Variants in COMMD7 observed in about 807,000 individuals in gnomAD.
COMMD7 encodes the protein COMM domain containing 7, also known as COMM domain-containing protein 7.
A neutral mutation model predicts 34.8 loss-of-function variants in COMMD7; 28 were observed. That is an observed-to-expected ratio of 0.80 (90% CI 0.60 to 1.10). The LOEUF (loss-of-function observed/expected upper bound fraction) is 1.10. COMMD7 is among the 50% of genes least tolerant of loss of function. The pLI, the probability that COMMD7 is intolerant of heterozygous loss-of-function variation, is 0.00. For missense variants in COMMD7, 211 were observed against 241.6 expected, an observed-to-expected ratio of 0.87 and a Z score of 0.84; for synonymous variants, 80 against 86.4, an observed-to-expected ratio of 0.93 and a Z score of 0.41.
intron 1 of COMMD7, among the ~76,000 whole-genome samples, chr20:32,739,012 T>C (rs937382313): frequency 1.7e-4 from 26 of 152,222 alleles, no homozygotes; most frequent in African/African-American, 6.3e-4. Flanking sequence ...CTTTCTTAAC[T>C]GTAAAATGGG....
chr20:32,743,237 T>G (rs1568801290), intron 1 of COMMD7, 71 bp downstream of exon 1: 181 of 526,744 alleles, frequency 3.4e-4, no homozygotes, highest in East Asian at 1.0e-3. Context: ...CCCCCGGACG[T>G]CCCCCCCACC....
At chr20:32,711,370 C>G (rs1057455638) in intron 3 of COMMD7, among the ~76,000 whole-genome samples, 3 of 148,550 alleles carry the variant, frequency 2.0e-5, no homozygotes, top group Non-Finnish European at 4.4e-5. Context: ...GCACTCCAGC[C>G]TGGACGACGG....
intron 3 of COMMD7, among the ~76,000 whole-genome samples, chr20:32,713,195 T>C (rs1568777238): frequency 6.6e-6 from 1 of 151,942 alleles, no homozygotes; most frequent in Non-Finnish European, 1.5e-5. Context: ...ATTACAGGCA[T>C]GTGCCACCAT....
intron 3 of COMMD7, among the ~76,000 whole-genome samples, chr20:32,723,048 T>TAAATAAATAATAAA (rs1258684125): frequency 1.7e-5 from 1 of 57,192 alleles, no homozygotes; most frequent in African/African-American, 5.7e-5. Flanking sequence ...AATAAATAAA[T>TAAATAAATAATAAA]AATAATAATA....
chr20:32,728,188 G>C, intron 1 of COMMD7, 46 bp from the exon 2 acceptor site: 1 of 1,592,914 alleles, frequency 6.3e-7, no homozygotes, highest in Non-Finnish European at 8.6e-7. Flanking sequence ...TCTACTACTG[G>C]GTCAGCATGC....
At chr20:32,731,310 C>A (rs1030818767) in intron 1 of COMMD7, among the ~76,000 whole-genome samples, 5 of 151,852 alleles carry the variant, frequency 3.3e-5, no homozygotes, top group African/African-American at 9.7e-5. Flanking sequence ...AGAACAAGAT[C>A]CTAGCTCAAA....
chr20:32,712,457 A>C (rs1231106215), intron 3 of COMMD7, among the ~76,000 whole-genome samples: 6 of 150,888 alleles, frequency 4.0e-5, no homozygotes, highest in Non-Finnish European at 7.4e-5. Flanking sequence ...GAAGTGAGCC[A>C]AGATCGCGCC....
At chr20:32,714,269 T>C (rs891182871) in intron 3 of COMMD7, among the ~76,000 whole-genome samples, 1 of 152,198 alleles carries the variant, frequency 6.6e-6, no homozygotes, top group East Asian at 1.9e-4. Flanking sequence ...TATTCTTTTT[T>C]GTGTGTATGT....
intron 1 of COMMD7, among the ~76,000 whole-genome samples, chr20:32,730,843 A>G (rs1985795782): frequency 6.6e-6 from 1 of 152,150 alleles, no homozygotes; most frequent in Non-Finnish European, 1.5e-5. Context: ...AATTAGAGTC[A>G]CTATACCATT....
intron 4 of COMMD7, 39 bp downstream of exon 4, chr20:32,706,665 G>A (rs1406788400): frequency 6.2e-7 from 1 of 1,612,726 alleles, no homozygotes; most frequent in Non-Finnish European, 8.5e-7. Flanking sequence ...AAAAGCCTCA[G>A]AAGCCAGTCA....
At chr20:32,728,968 T>G (rs186979229) in intron 1 of COMMD7, among the ~76,000 whole-genome samples, 292 of 152,112 alleles carry the variant, frequency 1.9e-3, no homozygotes, top group Non-Finnish European at 3.1e-3. Flanking sequence ...ACTCTTACAG[T>G]TTTGTGTGTC....
chr20:32,737,520 C>T (rs1252132093), intron 1 of COMMD7, among the ~76,000 whole-genome samples: 4 of 151,488 alleles, frequency 2.6e-5, no homozygotes, highest in South Asian at 2.1e-4. Context: ...TTTAAAAAAA[C>T]GAAAGAAAGA....
rs1189949971 is a variant in COMMD7, at chr20:32,702,814, A to C, written c.*568T>G. The C allele has an allele frequency of 6.6e-6, 1 of 152,254 alleles. No homozygotes were observed. Among genetic ancestry groups the C allele is most frequent in the Non-Finnish European group, 1.5e-5 (1 of 68,068 alleles). 9.4% of individuals were successfully genotyped at this position (152,254 alleles called of 1,614,324 possible). A position where few individuals can be genotyped will look rare whatever the true frequency, so the allele number is the denominator to read the frequency against. ...TACGACATGACAGGGCAAAACCAGA[A>C]GTAGGGACAGAGTTTAGCCTCAGTT... is the stretch of plus-strand genomic sequence containing the variant. On this transcript the variant is annotated 3_prime_UTR_variant, in exon 9 of 9. Coordinates refer to ENST00000278980, the MANE Select transcript of COMMD7 (RefSeq NM_053041.3).
chr20:32,731,207 A>T (rs1985813882), intron 1 of COMMD7, among the ~76,000 whole-genome samples: 1 of 152,094 alleles, frequency 6.6e-6, no homozygotes, highest in African/African-American at 2.4e-5. Context: ...AGTCCTAGCT[A>T]CTCAGGAGGC....
At chr20:32,713,976 G>A (rs571758027) in intron 3 of COMMD7, among the ~76,000 whole-genome samples, 1 of 152,244 alleles carries the variant, frequency 6.6e-6, no homozygotes, top group African/African-American at 2.4e-5. Context: ...AGCTGAGCGT[G>A]GTGGTGAGCG....
chr20:32,728,377 G>T (rs928015019), intron 1 of COMMD7, among the ~76,000 whole-genome samples: 1 of 151,984 alleles, frequency 6.6e-6, no homozygotes, highest in African/African-American at 2.4e-5. Flanking sequence ...GACATGTATT[G>T]AGAGACTGTA....
chr20:32,737,974 G>A (rs1986238661), intron 1 of COMMD7, among the ~76,000 whole-genome samples: 1 of 149,998 alleles, frequency 6.7e-6, no homozygotes, highest in Admixed American at 6.7e-5. Context: ...AAAAAACTTT[G>A]TTAGTAGCAG....
chr20:32,721,132 T>G (rs552429203), intron 3 of COMMD7, among the ~76,000 whole-genome samples: 1 of 152,302 alleles, frequency 6.6e-6, no homozygotes, highest in East Asian at 1.9e-4. Flanking sequence ...GAAGGCTTTC[T>G]GAGGCAGCAC....
At chr20:32,706,837 CTA>C in intron 3 of COMMD7, 77 bp from the exon 4 acceptor site, 1 of 1,186,744 alleles carries the variant, frequency 8.4e-7, no homozygotes, top group Admixed American at 1.8e-5. Flanking sequence ...TGGGCACAAC[CTA>C]TGTGACCTAA....
Sources: allele counts gnomAD v4.1 joint callset (sites outside exome capture counted in the v4.1 genomes callset), GRCh38; gene constraint gnomAD v4.1.1; transcripts MANE v1.5; gene names NCBI Gene and HGNC (gene_info 2026-07-23, HGNC 2026-07-21).